Variants in APLP2 observed in about 807,000 individuals in gnomAD.
APLP2 encodes the protein CDEI box-binding protein.
A neutral mutation model predicts 89.9 loss-of-function variants in APLP2; 53 were observed. The observed-to-expected ratio is 0.59, with a 90% CI of 0.47 to 0.74. The LOEUF (loss-of-function observed/expected upper bound fraction) is 0.74. Ranked by LOEUF, APLP2 falls within the 30% of genes least tolerant of loss-of-function variation. APLP2 has a pLI of 0.00. For synonymous variants in APLP2, 372 were observed against 348.6 expected (o/e 1.07, Z -0.75); for missense variants, 973 against 975.9 (o/e 1.00, Z 0.04).
Position 130,135,678 on chromosome 11 carries a change from C to G in APLP2, c.1800C>G (p.His600Gln). The stretch of plus-strand genomic sequence containing the variant: ...AGAGTGAGGAGATCCCACCGTTCCA[C>G]CCCTTCCACCCCTTCCCAGCCCTAC... ...SEESEEIPPFHPFHPFPALPE... is the reference protein window; with the variant it reads ...SEESEEIPPFQPFHPFPALPE... Residue 600 changes from histidine to glutamine, a missense_variant, in exon 13 of 17, where the codon CAC (histidine) becomes CAG (glutamine). Coordinates refer to ENST00000338167, the MANE Select transcript of APLP2 (RefSeq NM_001142276.2). 1 of 1,612,654 alleles carries G rather than the reference C, an allele frequency of 6.2e-7. No homozygotes were observed. The highest frequency in any genetic ancestry group is 1.1e-5 in the South Asian group (1 of 91,080).
At chr11:130,095,000 A>G (rs1018332967) in intron 1 of APLP2, among the ~76,000 whole-genome samples, 12 of 152,288 alleles carry the variant, frequency 7.9e-5, no homozygotes, top group East Asian at 1.9e-4. Context: ...TTGGTAGTCA[A>G]TGCAATGCGT....
intron 1 of APLP2, among the ~76,000 whole-genome samples, chr11:130,078,289 T>C (rs1199335802): frequency 6.6e-6 from 1 of 152,102 alleles, no homozygotes; most frequent in African/African-American, 2.4e-5. Context: ...GGCTCACTCA[T>C]TTCCGTTGCT....
intron 3 of APLP2, among the ~76,000 whole-genome samples, chr11:130,114,809 A>G (rs755720079): frequency 1.1e-4 from 17 of 152,188 alleles, no homozygotes; most frequent in South Asian, 1.0e-3. Context: ...GAAAACTACT[A>G]AAGTTCTGAT....
At position 130,140,473 on chromosome 11, in the gene APLP2, A is replaced by G. The variant is rs1290238391; in HGVS notation, c.1913A>G (p.Asp638Gly). 3 of 1,610,076 alleles carry G rather than the reference A, an allele frequency of 1.9e-6. No individual in the cohort carries two copies. Among genetic ancestry groups the G allele is most frequent in the East Asian group, 4.5e-5 (2 of 44,640 alleles). The change falls in exon 14 of 17, where the codon GAT (aspartate) becomes GGT (glycine). Residue 638 changes from aspartate (D) to glycine (G), a missense_variant. Physicochemically the swap from Asp to Gly is moderately conservative, Grantham distance 94. Coordinates refer to ENST00000338167, the MANE Select transcript of APLP2 (RefSeq NM_001142276.2). ...EKVINSKNKV[D>G]ENMVIDETLD... Reference sequence around the variant, plus strand: ...GTGATTAACAGTAAGAATAAAGTGGATGAAAACATGGTGAGCCTGTTCTTT... The same window carrying G: ...GTGATTAACAGTAAGAATAAAGTGGGTGAAAACATGGTGAGCCTGTTCTTT...
At chr11:130,143,308 C>A in intron 16 of APLP2, 39 bp from the exon 17 acceptor site, 2 of 1,572,102 alleles carry the variant, frequency 1.3e-6, no homozygotes, top group South Asian at 1.1e-5. Flanking sequence ...CAGGTCTCTT[C>A]CCAGACACCA....
At chr11:130,073,996 A>G (rs1941643624) in intron 1 of APLP2, among the ~76,000 whole-genome samples, 1 of 152,178 alleles carries the variant, frequency 6.6e-6, no homozygotes, top group Non-Finnish European at 1.5e-5. Flanking sequence ...AGTAAGTTGC[A>G]TACGTCGTCC....
At chr11:130,138,103 G>A (rs1286756343) in intron 13 of APLP2, among the ~76,000 whole-genome samples, 4 of 152,200 alleles carry the variant, frequency 2.6e-5, no homozygotes, top group African/African-American at 4.8e-5. Context: ...TCGGTGTCAC[G>A]GGATCCCCCA....
At chr11:130,082,024 A>G (rs1389831299) in intron 1 of APLP2, among the ~76,000 whole-genome samples, 1 of 152,264 alleles carries the variant, frequency 6.6e-6, no homozygotes, top group Non-Finnish European at 1.5e-5. Flanking sequence ...CCGTGACAGA[A>G]CAAATAACAC....
intron 1 of APLP2, among the ~76,000 whole-genome samples, chr11:130,102,891 A>G (rs1046239793): frequency 6.6e-6 from 1 of 152,224 alleles, no homozygotes; most frequent in African/African-American, 2.4e-5. Flanking sequence ...ATTAAGCAAA[A>G]TGGAAGTGCT....
chr11:130,092,594 G>A (rs1307519223), intron 1 of APLP2, among the ~76,000 whole-genome samples: 1 of 148,546 alleles, frequency 6.7e-6, no homozygotes, highest in Admixed American at 6.6e-5. Flanking sequence ...GCCTGCAATC[G>A]CAGGCATTGG....
intron 11 of APLP2, among the ~76,000 whole-genome samples, 169 bp downstream of exon 11, chr11:130,130,335 A>G (rs1273234127): frequency 6.6e-6 from 1 of 152,250 alleles, no homozygotes; most frequent in East Asian, 1.9e-4. Context: ...TTGCAAGGTC[A>G]CTGTTTTTAA....
chr11:130,079,931 A>T (rs1447497929), intron 1 of APLP2, among the ~76,000 whole-genome samples: 1 of 152,220 alleles, frequency 6.6e-6, no homozygotes, highest in African/African-American at 2.4e-5. Flanking sequence ...GTCATGAATG[A>T]ATGTTGAGTT....
chr11:130,091,541 G>C (rs1945204093), intron 1 of APLP2, among the ~76,000 whole-genome samples: 1 of 144,172 alleles, frequency 6.9e-6, no homozygotes, highest in African/African-American at 2.6e-5. Flanking sequence ...CCGGGCGGGG[G>C]GCTGACCCCC....
chr11:130,114,314 G>A (rs1213372366), intron 3 of APLP2: 2 of 151,968 alleles, frequency 1.3e-5, no homozygotes, highest in Non-Finnish European at 2.9e-5. Flanking sequence ...CACTGGCTAC[G>A]ATACTGCCAC....
Position 130,141,443 on chromosome 11 carries a change from C to A in APLP2, c.1924-55C>A. 6.8e-7 allele frequency: 1 copy of A among 1,473,356 alleles called. No homozygotes were observed. The highest frequency in any genetic ancestry group is 9.5e-7 in the Non-Finnish European group (1 of 1,053,312). The allele number at this position is 1,473,356 out of a possible 1,614,324, so 91.3% of individuals were successfully genotyped here. ...TAGCAGAGGAAGGAGGCAGTAAATA[C>A]CAAACTCCCCGTTCACCCAGTTGCT... is the stretch of plus-strand genomic sequence containing the variant. On this transcript the variant is annotated intron_variant, in intron 14 of 16. Coordinates refer to ENST00000338167, the MANE Select transcript of APLP2 (RefSeq NM_001142276.2). The surrounding 1 kb of genome is among the most constrained non-coding windows in gnomAD (Gnocchi z 4.2).
intron 1 of APLP2, among the ~76,000 whole-genome samples, chr11:130,098,223 G>A (rs1303425058): frequency 2.0e-5 from 3 of 152,096 alleles, no homozygotes; most frequent in East Asian, 3.9e-4. Context: ...TGGCCAACAC[G>A]GTGAAACCCC....
intron 11 of APLP2, among the ~76,000 whole-genome samples, chr11:130,132,737 C>A (rs1206832368): frequency 6.6e-6 from 1 of 151,706 alleles, no homozygotes; most frequent in African/African-American, 2.4e-5. Flanking sequence ...ATGAGTTTTT[C>A]AAAAAATAGC....
chr11:130,128,393 C>T (rs1221911579), intron 9 of APLP2, among the ~76,000 whole-genome samples: 1 of 152,156 alleles, frequency 6.6e-6, no homozygotes, highest in African/African-American at 2.4e-5. Flanking sequence ...TGCCTTTCCT[C>T]CTAATGTAAC....
At chr11:130,092,716 A>AGGGGGGGGGGGGGGGGGG (rs1945579737) in intron 1 of APLP2, among the ~76,000 whole-genome samples, 1 of 23,894 alleles carries the variant, frequency 4.2e-5, no homozygotes, top group Non-Finnish European at 7.9e-5. Context: ...AGGGAGGGGG[A>AGGGGGGGGGGGGGGGGGG]GGGGGAGGGA....
Sources: gnomAD v4.1 joint callset for allele counts (sites outside exome capture counted in the v4.1 genomes callset) on GRCh38, gnomAD v4.1.1 for gene constraint, Gnocchi (gnomAD v3.1) non-coding constraint, MANE v1.5 for transcripts, NCBI Gene and HGNC (gene_info 2026-07-23, HGNC 2026-07-21) for gene names.